NEU3: variants seen among roughly 807,000 people sequenced by gnomAD.
NEU3 encodes the protein sialidase-3.
In NEU3, 10 loss-of-function variants were observed where a neutral mutation model predicts 11.4. That is an observed-to-expected ratio of 0.88 (90% CI 0.54 to 1.49). The LOEUF is 1.49. Among genes scored for constraint, NEU3 ranks in the 40% most tolerant of loss-of-function variants. NEU3 has a pLI of 0.00. For synonymous variants in NEU3, 212 were observed against 228.2 expected, an observed-to-expected ratio of 0.93 and a Z score of 0.64; for missense variants, 529 against 581.8, an observed-to-expected ratio of 0.91 and a Z score of 0.93.
chr11:75,000,707 T>G (rs904010399), intron 2 of NEU3, among the ~76,000 whole-genome samples: 1 of 151,658 alleles, frequency 6.6e-6, no homozygotes, highest in Non-Finnish European at 1.5e-5. Flanking sequence ...AACCTCGAAC[T>G]CCTGGGCTCA....
upstream of NEU3, among the ~76,000 whole-genome samples, chr11:74,987,043 A>C (rs1172997847): frequency 6.6e-6 from 1 of 152,212 alleles, no homozygotes; most frequent in Non-Finnish European, 1.5e-5. Flanking sequence ...AGCTTTTAGT[A>C]GCTATTGATA....
chr11:75,009,371 T>C lies in NEU3; in HGVS notation c.*2879T>C, dbSNP rs1004047290. On this transcript the variant is annotated 3_prime_UTR_variant, in exon 3 of 3. Transcript: ENST00000294064. ...AGGTCCTAACTCAACACTGCAACTT[T>C]AAGCTGGCTTAACTTGTCCAAGTTC... The C allele has an allele frequency of 6.6e-6, 1 of 152,246 alleles. No homozygotes were observed. The highest frequency in any genetic ancestry group is 2.1e-4 in the South Asian group (1 of 4,824). 9.4% of individuals were successfully genotyped at this position (152,246 alleles called of 1,614,324 possible).
At chr11:75,014,416 C>G (rs1011188423), downstream of NEU3, among the ~76,000 whole-genome samples, 1 of 152,114 alleles carries the variant, frequency 6.6e-6, no homozygotes, top group African/African-American at 2.4e-5. Context: ...GAAGCTGTAC[C>G]CAGTGACTAG....
upstream of NEU3, among the ~76,000 whole-genome samples, chr11:74,987,800 C>G (rs1189709142): frequency 2.0e-5 from 3 of 150,972 alleles, no homozygotes; most frequent in Non-Finnish European, 2.9e-5. Flanking sequence ...GCGGCAGAGA[C>G]ACACTCCATC....
At chr11:74,981,334 T>C in the NEU3 span, among the ~76,000 whole-genome samples, 78 of 152,328 alleles carry the variant, frequency 5.1e-4, no homozygotes, top group Middle Eastern at 6.8e-3. Context: ...CAATCTGCCA[T>C]GAGCCCTGAA....
chr11:75,015,394 G>A (rs918179168), downstream of NEU3, among the ~76,000 whole-genome samples: 1 of 152,124 alleles, frequency 6.6e-6, no homozygotes, highest in South Asian at 2.1e-4. Flanking sequence ...AGGTGTTTTT[G>A]TTATAGTAGC....
intron 2 of NEU3, among the ~76,000 whole-genome samples, chr11:74,999,753 T>C (rs930986806): frequency 1.3e-5 from 2 of 152,366 alleles, no homozygotes; most frequent in South Asian, 2.1e-4. Context: ...TGATCTCTAC[T>C]TCTCTATAAT....
At chr11:74,990,011 C>G in intron 1 of NEU3, 1 of 702,510 alleles carries the variant, frequency 1.4e-6, no homozygotes, top group South Asian at 1.5e-5. Flanking sequence ...GAATCACCAT[C>G]TATATTACTT....
At position 75,003,842 on chromosome 11, in the gene NEU3, A is replaced by T. The variant is rs1329213031; in HGVS notation, c.307-1571A>T. 3.3e-5 allele frequency among the ~76,000 whole-genome samples: 5 copies of T among 152,120 alleles called. No individual in the cohort carries two copies. The East Asian group carries it at 9.6e-4, about 29-fold the overall frequency. On this transcript the variant is annotated intron_variant, in intron 2 of 2. Transcript: ENST00000294064. ...GAGGCAGAGATTGCAGTGAGCTGAGATGACACCACTGCACTGCAGCCTGGT... is the reference window on the plus strand; with the variant it reads ...GAGGCAGAGATTGCAGTGAGCTGAGTTGACACCACTGCACTGCAGCCTGGT...
At chr11:75,018,027 T>C (rs1017241756) in intron 3 of NEU3, among the ~76,000 whole-genome samples, 3 of 151,986 alleles carry the variant, frequency 2.0e-5, no homozygotes, top group Non-Finnish European at 4.4e-5. Flanking sequence ...GTTTTAGCAC[T>C]TTTTTTAAGC....
chr11:74,990,636 A>T (rs947770894), intron 1 of NEU3, among the ~76,000 whole-genome samples: 3 of 152,142 alleles, frequency 2.0e-5, no homozygotes, highest in African/African-American at 4.8e-5. Context: ...GTGGGAATAT[A>T]GGCATGAGCC....
At chr11:74,981,702 T>C in the NEU3 span, among the ~76,000 whole-genome samples, 13 of 152,314 alleles carry the variant, frequency 8.5e-5, no homozygotes, top group Admixed American at 8.5e-4. Flanking sequence ...AGCTTACAAG[T>C]AGGATAAAAT....
downstream of NEU3, among the ~76,000 whole-genome samples, chr11:75,015,357 G>A (rs191682092): frequency 6.6e-6 from 1 of 152,276 alleles, no homozygotes; most frequent in East Asian, 1.9e-4. Context: ...TGAGCAATAA[G>A]TGTCTGTTTA....
At chr11:74,984,692 A>G (rs1447949239), upstream of NEU3, among the ~76,000 whole-genome samples, 1 of 152,082 alleles carries the variant, frequency 6.6e-6, no homozygotes, top group Admixed American at 6.6e-5. Context: ...TCTTCCTTCA[A>G]ACTTTTATAT....
Position 74,989,122 on chromosome 11 carries a change from C to G in NEU3, c.62C>G (p.Pro21Arg). The change falls in exon 1 of 3, where the codon CCG becomes CGG. Residue 21 changes from proline (P) to arginine (R), a missense_variant. Physicochemically the swap from Pro to Arg is moderately radical, Grantham distance 103. Transcript: ENST00000294064. ...GAATCCCCGGCGTCCAGCTCTGCCC[C>G]GACAGAGACGGAGGAGCCGGGGTCC... ...MEESPASSSA[P>R]TETEEPGSSA... The G allele has an allele frequency of 1.3e-6, 2 of 1,551,178 alleles. No homozygotes were observed. The highest frequency in any genetic ancestry group is 1.7e-6 in the Non-Finnish European group (2 of 1,146,934).
chr11:75,020,399 C>T (rs190577128), downstream of NEU3, among the ~76,000 whole-genome samples: 81 of 152,308 alleles, frequency 5.3e-4, no homozygotes, highest in African/African-American at 1.8e-3. Flanking sequence ...TGTTCCACCA[C>T]CCAAATCTCA....
At chr11:75,019,379 T>G (rs1253339642), downstream of NEU3, among the ~76,000 whole-genome samples, 2 of 152,210 alleles carry the variant, frequency 1.3e-5, no homozygotes, top group Non-Finnish European at 2.9e-5. Context: ...TTTCATGGGC[T>G]GGGCCCAGGG....
upstream of NEU3, among the ~76,000 whole-genome samples, chr11:74,985,247 G>A (rs1791643892): frequency 6.6e-6 from 1 of 152,098 alleles, no homozygotes; most frequent in Non-Finnish European, 1.5e-5. Flanking sequence ...AGAATAATAA[G>A]ATGAATATTT....
the NEU3 span, among the ~76,000 whole-genome samples, chr11:74,982,977 G>C: frequency 6.6e-6 from 1 of 152,026 alleles, no homozygotes; most frequent in Admixed American, 6.6e-5. Context: ...ATCTTAAACT[G>C]CTTGGTTTGG....
Sources: gnomAD v4.1 joint callset for allele counts (sites outside exome capture counted in the v4.1 genomes callset) on GRCh38, gnomAD v4.1.1 for gene constraint, MANE v1.5 for transcripts, NCBI Gene and HGNC (gene_info 2026-07-23, HGNC 2026-07-21) for gene names.